Variants in JDP2 observed in about 807,000 individuals in gnomAD.
The protein encoded by JDP2 is Jun dimerization protein 2.
A neutral mutation model predicts 17.1 loss-of-function variants in JDP2; 9 were observed. The ratio of observed to expected loss-of-function variants is 0.53; its 90% CI spans 0.32 to 0.92. JDP2 has a LOEUF of 0.92. Ranked by LOEUF, JDP2 falls within the 40% of genes least tolerant of loss-of-function variation. The probability of loss-of-function intolerance (pLI) is 0.04; values close to 1 mark genes in which losing one functional copy is unlikely to be tolerated. For synonymous variants in JDP2, 107 were observed against 95.6 expected, an observed-to-expected ratio of 1.12 and a Z score of -0.69; for missense variants, 179 against 220.0, an observed-to-expected ratio of 0.81 and a Z score of 1.18.
chr14:75,431,294 C>G (rs117804455), intron 1 of JDP2, among the ~76,000 whole-genome samples: 1 of 152,236 alleles, frequency 6.6e-6, no homozygotes, highest in African/African-American at 2.4e-5. Flanking sequence ...ATAGGCAAGG[C>G]CTTGGAAGCA....
chr14:75,430,976 C>T lies in JDP2; in HGVS notation c.-24+2724C>T, dbSNP rs532058933. Reference sequence around the variant, plus strand: ...TGTTGTTTTTTAGTCTGTTTTCTTGCTGCAGCCCACGGGATTTAGTTGCAG... The same window carrying T: ...TGTTGTTTTTTAGTCTGTTTTCTTGTTGCAGCCCACGGGATTTAGTTGCAG... On this transcript the variant is annotated intron_variant, in intron 1 of 3. Coordinates refer to ENST00000651602, the MANE Select transcript of JDP2 (RefSeq NM_001135048.2). This position sits in a 1 kb window ranked among gnomAD's most constrained non-coding sequence, Gnocchi z 4.5. Among the ~76,000 whole-genome samples the T allele has an allele frequency of 6.6e-6, 1 of 152,292 alleles. No individual in the cohort carries two copies. Among genetic ancestry groups the T allele is most frequent in the African/African-American group, 2.4e-5 (1 of 41,564 alleles).
chr14:75,446,443 C>T (rs1000940194), intron 2 of JDP2, among the ~76,000 whole-genome samples: 5 of 152,188 alleles, frequency 3.3e-5, no homozygotes, highest in African/African-American at 1.2e-4. Context: ...AAAACATGGT[C>T]TATCCATACA....
At position 75,469,304 on chromosome 14, in the gene JDP2, G is replaced by A; in HGVS notation, c.321G>A (p.Leu107=). ...TTGGTATACAGGAATCCGAGCGGCT[G>A]GAACTCATGAACGCAGAGCTGAAGA... is the stretch of plus-strand genomic sequence containing the variant. ...TEFLQRESER[L]ELMNAELKTQ... The change falls in exon 4 of 4, where the codon CTG becomes CTA. Residue 107 remains leucine, a synonymous_variant. Coordinates refer to ENST00000651602, the MANE Select transcript of JDP2 (RefSeq NM_001135048.2). 1 of 1,614,080 alleles carries A rather than the reference G, an allele frequency of 6.2e-7. No homozygotes were observed. Among genetic ancestry groups the A allele is most frequent in the Non-Finnish European group, 8.5e-7 (1 of 1,179,956 alleles).
chr14:75,466,626 G>A (rs747087968), intron 3 of JDP2, among the ~76,000 whole-genome samples: 1 of 152,210 alleles, frequency 6.6e-6, no homozygotes, highest in African/African-American at 2.4e-5. Flanking sequence ...CCCACATAGA[G>A]TTGGTTTGAC....
intron 2 of JDP2, among the ~76,000 whole-genome samples, chr14:75,459,617 A>G (rs1886265663): frequency 6.6e-6 from 1 of 152,214 alleles, no homozygotes; most frequent in South Asian, 2.1e-4. Flanking sequence ...CCTGGCCTAT[A>G]GCCCTTTGGG....
At chr14:75,468,476 C>T (rs548328238) in intron 3 of JDP2, among the ~76,000 whole-genome samples, 2 of 152,264 alleles carry the variant, frequency 1.3e-5, no homozygotes, top group South Asian at 2.1e-4. Flanking sequence ...CTGTTCAATC[C>T]CCCAAGCCTT....
chr14:75,452,547 G>A (rs577998136), intron 2 of JDP2, among the ~76,000 whole-genome samples: 1 of 152,292 alleles, frequency 6.6e-6, no homozygotes, highest in East Asian at 1.9e-4. Context: ...AGCAGCCGTG[G>A]GCCAGTGCAG....
chr14:75,463,738 T>C (rs1886440428), intron 3 of JDP2, among the ~76,000 whole-genome samples: 1 of 151,830 alleles, frequency 6.6e-6, no homozygotes, highest in South Asian at 2.1e-4. Context: ...GAGTACCAAG[T>C]AGTGGGGTGG....
At chr14:75,444,676 G>A (rs766826804) in intron 2 of JDP2, among the ~76,000 whole-genome samples, 19 of 152,204 alleles carry the variant, frequency 1.2e-4, no homozygotes, top group African/African-American at 4.1e-4. Context: ...GCTTCATCGC[G>A]AAGATTAAGT....
Position 75,428,983 on chromosome 14 carries a change from C to G in JDP2, c.-24+731C>G, listed in dbSNP as rs1017629446. ...CCAGCCCAGCTTAGAAGGCTCTCCT[C>G]TGCTCCTCCCTTCAAAGGAGGTTGT... is the stretch of plus-strand genomic sequence containing the variant. On this transcript the variant is annotated intron_variant, in intron 1 of 3. Coordinates refer to ENST00000651602, the MANE Select transcript of JDP2 (RefSeq NM_001135048.2). The surrounding 1 kb of genome is among the most constrained non-coding windows in gnomAD (Gnocchi z 5.6). Among the ~76,000 whole-genome samples the G allele has an allele frequency of 6.6e-6, 1 of 151,800 alleles. No homozygotes were observed. Among genetic ancestry groups the G allele is most frequent in the Admixed American group, 6.6e-5 (1 of 15,252 alleles).
At chr14:75,458,286 C>T (rs1250673984) in intron 2 of JDP2, among the ~76,000 whole-genome samples, 1 of 152,116 alleles carries the variant, frequency 6.6e-6, no homozygotes, top group Non-Finnish European at 1.5e-5. Context: ...AGCCTAGTAG[C>T]CAATAATTAT....
intron 3 of JDP2, among the ~76,000 whole-genome samples, chr14:75,465,374 C>T (rs1566749015): frequency 6.6e-6 from 1 of 152,180 alleles, no homozygotes; most frequent in African/African-American, 2.4e-5. Flanking sequence ...CTTTGTCACC[C>T]AGGCTGGAGT....
intron 2 of JDP2, among the ~76,000 whole-genome samples, chr14:75,446,183 T>G (rs1029127896): frequency 8.5e-5 from 13 of 152,330 alleles, no homozygotes; most frequent in African/African-American, 3.1e-4. Context: ...GTGGAGAAGC[T>G]GTCGTCATGA....
intron 3 of JDP2, among the ~76,000 whole-genome samples, chr14:75,467,192 A>G (rs964669606): frequency 1.3e-5 from 2 of 152,204 alleles, no homozygotes; most frequent in Non-Finnish European, 2.9e-5. Flanking sequence ...ACAGTGGAGT[A>G]GTTTTCCCTT....
chr14:75,462,229 G>A (rs1469476590), intron 3 of JDP2, among the ~76,000 whole-genome samples: 5 of 152,216 alleles, frequency 3.3e-5, no homozygotes, highest in Non-Finnish European at 7.3e-5. Context: ...CTCAGAAATG[G>A]TGGCTGGCAG....
intron 3 of JDP2, 22 bp downstream of exon 3, chr14:75,461,552 G>T: frequency 6.4e-7 from 1 of 1,557,448 alleles, no homozygotes; most frequent in Non-Finnish European, 8.7e-7. Context: ...GGGTGGGTGG[G>T]GAGGCCTGCC....
At position 75,471,749 on chromosome 14, in the gene JDP2, G is replaced by T; in HGVS notation, c.*2274G>T. 2 of 154,820 alleles carry T rather than the reference G, an allele frequency of 1.3e-5. No homozygotes were observed. The highest frequency in any genetic ancestry group is 3.6e-4 in the South Asian group (2 of 5,586). 9.6% of individuals were successfully genotyped at this position (154,820 alleles called of 1,614,324 possible). A position where few individuals can be genotyped will look rare whatever the true frequency, so the allele number is the denominator to read the frequency against. ...ACTGTCAGCTGTGGCAGAAGGTTGT[G>T]GCAGCGGGTTGCCTTCTGTCTCGGG... On this transcript the variant is annotated 3_prime_UTR_variant, in exon 4 of 4. Coordinates refer to ENST00000651602, the MANE Select transcript of JDP2 (RefSeq NM_001135048.2).
Position 75,428,841 on chromosome 14 carries a change from T to C in JDP2, c.-24+589T>C. Among the ~76,000 whole-genome samples, 1 of 152,092 alleles carries C rather than the reference T, an allele frequency of 6.6e-6. No individual in the cohort carries two copies. The highest frequency in any genetic ancestry group is 6.5e-5 in the Admixed American group (1 of 15,282). On this transcript the variant is annotated intron_variant, in intron 1 of 3. Transcript: ENST00000651602. The surrounding 1 kb of genome is among the most constrained non-coding windows in gnomAD (Gnocchi z 5.6). The stretch of plus-strand genomic sequence containing the variant: ...TCTCTCATGGCCATTGCTTCGGAGC[T>C]CTGGGCTGGGAGGGGATCTAGGGGT...
chr14:75,466,921 CCT>C (rs1305222135), intron 3 of JDP2, among the ~76,000 whole-genome samples: 1 of 152,148 alleles, frequency 6.6e-6, no homozygotes, highest in Non-Finnish European at 1.5e-5. Flanking sequence ...TCCTTCTCTT[CCT>C]CTCTTTCTTC....
Sources: allele counts gnomAD v4.1 joint callset (sites outside exome capture counted in the v4.1 genomes callset), GRCh38; gene constraint gnomAD v4.1.1; non-coding constraint Gnocchi (gnomAD v3.1); transcripts MANE v1.5; gene names NCBI Gene and HGNC (gene_info 2026-07-23, HGNC 2026-07-21).